ADAMTSL1: variants seen among roughly 807,000 people sequenced by gnomAD.
ADAMTSL1 encodes the protein ADAMTS-like protein 1.
In ADAMTSL1, 126 loss-of-function variants were observed where a neutral mutation model predicts 201.8. The observed-to-expected ratio is 0.62, with a 90% confidence interval of 0.54 to 0.72. ADAMTSL1 has a LOEUF of 0.72. Ranked by LOEUF, ADAMTSL1 falls within the 30% of genes least tolerant of loss-of-function variation. The pLI is 0.00. For synonymous variants in ADAMTSL1, 1,121 were observed against 903.4 expected, an observed-to-expected ratio of 1.24 and a Z score of -4.32; for missense variants, 2,679 against 2,277.8, an observed-to-expected ratio of 1.18 and a Z score of -3.59.
At chr9:18,752,670 CA>C (rs1370127115) in intron 15 of ADAMTSL1, among the ~76,000 whole-genome samples, 2 of 152,168 alleles carry the variant, frequency 1.3e-5, no homozygotes, top group African/African-American at 4.8e-5. Context: ...GTGCTACATC[CA>C]GATAATGAGC....
chr9:18,022,065 A>G (rs549545152), intron 1 of ADAMTSL1, among the ~76,000 whole-genome samples: 1 of 152,020 alleles, frequency 6.6e-6, no homozygotes, highest in Non-Finnish European at 1.5e-5. Flanking sequence ...CACAGTACTC[A>G]TTTTTTTCTT....
rs138223923 is a variant in ADAMTSL1, at chr9:18,609,500, A to G, written c.475-12743A>G. 4.1e-3 allele frequency among the ~76,000 whole-genome samples: 629 copies of G among 152,186 alleles called. 15 individuals carry two copies. Among genetic ancestry groups the G allele is most frequent in the Admixed American group, 0.037 (567 of 15,278 alleles). ...CTCTCAAGGAGAGTATATTCCTTCAATGGAATTTGAGTTGTGATCTTACTT... is the reference window on the plus strand; with the variant it reads ...CTCTCAAGGAGAGTATATTCCTTCAGTGGAATTTGAGTTGTGATCTTACTT... On this transcript the variant is annotated intron_variant, in intron 4 of 28. Transcript: ENST00000380548.
intron 2 of ADAMTSL1, among the ~76,000 whole-genome samples, chr9:18,428,172 G>A (rs1370998823): frequency 2.0e-5 from 3 of 152,126 alleles, no homozygotes; most frequent in Non-Finnish European, 4.4e-5. Flanking sequence ...AAAATCTGTT[G>A]TGTTTGGCAT....
chr9:18,006,814 G>A (rs1335240370), intron 1 of ADAMTSL1, among the ~76,000 whole-genome samples: 1 of 151,932 alleles, frequency 6.6e-6, no homozygotes, highest in Non-Finnish European at 1.5e-5. Context: ...TACCTCATTT[G>A]GGACTTAAGT....
intron 2 of ADAMTSL1, among the ~76,000 whole-genome samples, chr9:18,322,749 T>C (rs1834676992): frequency 1.3e-5 from 2 of 152,196 alleles, no homozygotes; most frequent in Admixed American, 6.5e-5. Context: ...GAGTGGTTAT[T>C]ATAGATCCAT....
At chr9:18,837,411 T>C (rs540605572) in intron 23 of ADAMTSL1, among the ~76,000 whole-genome samples, 1 of 152,384 alleles carries the variant, frequency 6.6e-6, no homozygotes, top group East Asian at 1.9e-4. Context: ...TGTTCTTATA[T>C]ACGTGGGTAT....
At chr9:18,149,150 CTG>C (rs1207557740) in intron 1 of ADAMTSL1, among the ~76,000 whole-genome samples, 8 of 152,012 alleles carry the variant, frequency 5.3e-5, no homozygotes, top group Non-Finnish European at 1.2e-4. Flanking sequence ...GGGCTAGAAA[CTG>C]GGAGATGAAC....
At chr9:18,246,033 A>G (rs918660623) in intron 2 of ADAMTSL1, among the ~76,000 whole-genome samples, 26 of 152,210 alleles carry the variant, frequency 1.7e-4, no homozygotes, top group African/African-American at 6.0e-4. Flanking sequence ...ATTTCATCCT[A>G]TGTCCCTCTA....
intron 2 of ADAMTSL1, among the ~76,000 whole-genome samples, chr9:18,252,387 G>C (rs1831497332): frequency 6.6e-6 from 1 of 152,056 alleles, no homozygotes; most frequent in Admixed American, 6.5e-5. Context: ...GTTATCCATT[G>C]GGGGTTGGTT....
At chr9:18,803,293 C>T (rs1822914621) in intron 20 of ADAMTSL1, among the ~76,000 whole-genome samples, 1 of 152,154 alleles carries the variant, frequency 6.6e-6, no homozygotes, top group Admixed American at 6.5e-5. Context: ...AATCTGAGTG[C>T]CATTTCCAGC....
At chr9:18,230,898 C>G (rs961935181) in intron 2 of ADAMTSL1, among the ~76,000 whole-genome samples, 10 of 152,158 alleles carry the variant, frequency 6.6e-5, no homozygotes, top group Admixed American at 2.6e-4. Context: ...GCTGAAATTG[C>G]TAACCTGGAG....
chr9:18,266,616 C>T (rs1297061234), intron 2 of ADAMTSL1, among the ~76,000 whole-genome samples: 2 of 152,082 alleles, frequency 1.3e-5, no homozygotes, highest in Non-Finnish European at 2.9e-5. Context: ...AAATATAAAG[C>T]CAGAACAAAT....
intron 1 of ADAMTSL1, among the ~76,000 whole-genome samples, chr9:18,485,217 A>T (rs2131827578): frequency 6.6e-6 from 1 of 152,284 alleles, no homozygotes; most frequent in South Asian, 2.1e-4. Flanking sequence ...TTCATGTCTC[A>T]ACTCTCCGGT....
intron 15 of ADAMTSL1, among the ~76,000 whole-genome samples, chr9:18,724,802 G>A (rs1436860103): frequency 3.3e-5 from 5 of 152,164 alleles, no homozygotes; most frequent in Non-Finnish European, 7.3e-5. Flanking sequence ...TCCCTCCTCT[G>A]CATCCTCCTT....
At chr9:18,103,266 G>A (rs11999221) in intron 1 of ADAMTSL1, among the ~76,000 whole-genome samples, 8,133 of 152,102 alleles carry the variant, frequency 0.053, 534 homozygotes, top group African/African-American at 0.15. Context: ...ACATGTTCAG[G>A]ACTAGGCCAG....
intron 2 of ADAMTSL1, among the ~76,000 whole-genome samples, chr9:18,299,011 CAAAAA>C (rs369246364): frequency 1.4e-5 from 2 of 138,298 alleles, no homozygotes; most frequent in African/African-American, 5.4e-5. Flanking sequence ...GACTCCGTCT[CAAAAA>C]AAAAAAATAA....
At chr9:18,844,447 TG>T (rs773754632) in intron 23 of ADAMTSL1, among the ~76,000 whole-genome samples, 160 of 152,244 alleles carry the variant, frequency 1.1e-3, no homozygotes, top group Non-Finnish European at 2.1e-3. Flanking sequence ...CTGCCCCTAC[TG>T]GGGGGTGCCT....
intron 1 of ADAMTSL1, among the ~76,000 whole-genome samples, chr9:17,942,932 T>C: frequency 6.6e-6 from 1 of 152,156 alleles, no homozygotes; most frequent in Middle Eastern, 3.2e-3. Context: ...TTTTGTTGTT[T>C]GTTTAATAAG....
At chr9:18,207,744 T>G (rs1419569144) in intron 2 of ADAMTSL1, among the ~76,000 whole-genome samples, 1 of 152,176 alleles carries the variant, frequency 6.6e-6, no homozygotes. Context: ...TGGAAAATTT[T>G]TATTTGGTTT....
Sources: gnomAD v4.1 joint callset for allele counts (sites outside exome capture counted in the v4.1 genomes callset) on GRCh38, gnomAD v4.1.1 for gene constraint, MANE v1.5 for transcripts, NCBI Gene and HGNC (gene_info 2026-07-23, HGNC 2026-07-21) for gene names.